The following MMS19 variants were observed in gnomAD, a reference collection of about 807,000 sequenced individuals.
MMS19 encodes the protein MMS19 cytosolic iron-sulfur assembly component.
Under a neutral mutation model 129.8 loss-of-function variants are expected in MMS19, and 77 were observed. The observed-to-expected ratio is 0.59, with a 90% CI of 0.49 to 0.72. MMS19 has a LOEUF of 0.72. Among genes scored for constraint, MMS19 ranks in the 30% least tolerant of loss-of-function variants. MMS19 has a pLI of 0.00. For missense variants in MMS19, 1,168 were observed against 1,266.3 expected (o/e 0.92, Z 1.18); for synonymous variants, 491 against 502.8 (o/e 0.98, Z 0.31).
chr10:97,491,995 G>A (rs1303919238), intron 1 of MMS19, among the ~76,000 whole-genome samples: 1 of 151,588 alleles, frequency 6.6e-6, no homozygotes, highest in African/African-American at 2.4e-5. Context: ...AAAACTAGCC[G>A]GGTGTGGTAG....
chr10:97,497,878 T>A (rs1159430962), intron 1 of MMS19, among the ~76,000 whole-genome samples: 1 of 152,026 alleles, frequency 6.6e-6, no homozygotes, highest in East Asian at 1.9e-4. Context: ...AGGATGCACC[T>A]CCACACGTCA....
upstream of MMS19, chr10:97,498,528 G>T: frequency 8.5e-7 from 1 of 1,176,040 alleles, no homozygotes; most frequent in Non-Finnish European, 1.2e-6. Flanking sequence ...TGCCTAGGCA[G>T]TTCCAGGGAG....
chr10:97,495,394 T>G (rs550646967), intron 1 of MMS19, among the ~76,000 whole-genome samples: 1 of 152,230 alleles, frequency 6.6e-6, no homozygotes, highest in South Asian at 2.1e-4. Context: ...CAGCTGCTTT[T>G]GTGATCAAAG....
At chr10:97,471,474 C>T (rs537660178) in intron 8 of MMS19, among the ~76,000 whole-genome samples, 11 of 152,104 alleles carry the variant, frequency 7.2e-5, no homozygotes, top group Admixed American at 2.0e-4. Flanking sequence ...TTTGCAAACT[C>T]CACCAAAAAC....
Position 97,470,220 on chromosome 10 carries a change from A to G in MMS19, c.772-17T>C. Reference sequence around the variant, plus strand: ...CAGCAGAAACTGTGGGACAGAAGGAAGATCTTAAGCCTGAGATGGGTGGTG... The same window carrying G: ...CAGCAGAAACTGTGGGACAGAAGGAGGATCTTAAGCCTGAGATGGGTGGTG... On this transcript the variant is annotated splice_polypyrimidine_tract_variant and intron_variant, in intron 9 of 30. Coordinates refer to ENST00000438925, the MANE Select transcript of MMS19 (RefSeq NM_022362.5). The G allele has an allele frequency of 6.3e-7, 1 of 1,586,632 alleles. No homozygotes were observed. The highest frequency in any genetic ancestry group is 8.6e-7 in the Non-Finnish European group (1 of 1,162,798).
At position 97,493,915 on chromosome 10, in the gene MMS19, T is replaced by G. The variant is rs29001261; in HGVS notation, c.112+4358A>C. Among the ~76,000 whole-genome samples, 827 of 152,232 alleles carry G rather than the reference T, an allele frequency of 5.4e-3. 8 individuals are homozygous for G. Among genetic ancestry groups the G allele is most frequent in the African/African-American group, 0.019 (791 of 41,526 alleles). On this transcript the variant is annotated intron_variant, in intron 1 of 30. Coordinates refer to ENST00000438925, the MANE Select transcript of MMS19 (RefSeq NM_022362.5). The stretch of plus-strand genomic sequence containing the variant: ...TTGTGATCCCAGCTACTCGGGAGGC[T>G]GAGGCAGGAGAATCACTTGAACCTG...
intron 4 of MMS19, 114 bp from the exon 5 acceptor site, chr10:97,478,043 G>A (rs1214991443): frequency 4.2e-6 from 3 of 713,054 alleles, no homozygotes; most frequent in Non-Finnish European, 7.1e-6. Context: ...TCCTGGTTGA[G>A]GAAGAAGCAC....
chr10:97,468,739 G>A (rs2034062152), intron 12 of MMS19, among the ~76,000 whole-genome samples: 1 of 152,126 alleles, frequency 6.6e-6, no homozygotes, highest in African/African-American at 2.4e-5. Flanking sequence ...CTCCCGAGTA[G>A]CTGGGATTAC....
intron 3 of MMS19, 67 bp from the exon 4 acceptor site, chr10:97,478,456 C>T: frequency 8.5e-7 from 1 of 1,169,698 alleles, no homozygotes; most frequent in Non-Finnish European, 1.2e-6. Flanking sequence ...TTTGTTCCTT[C>T]CCTAAGTCTA....
At chr10:97,470,315 T>G in intron 9 of MMS19, 112 bp from the exon 10 acceptor site, 1 of 751,976 alleles carries the variant, frequency 1.3e-6, no homozygotes, top group Non-Finnish European at 2.3e-6. Context: ...ATCAAGGAGC[T>G]GTACTCAAGT....
chr10:97,460,839 C>A (rs1554832483), intron 24 of MMS19, 68 bp downstream of exon 24: 4 of 1,529,814 alleles, frequency 2.6e-6, no homozygotes, highest in Admixed American at 1.9e-5. Context: ...TAGGGTCAAA[C>A]AGGGACATTT....
Position 97,458,829 on chromosome 10 carries a change from G to A in MMS19, c.3036C>T (p.Arg1012=). 1.2e-6 allele frequency: 2 copies of A among 1,613,976 alleles called. No homozygotes were observed. Among genetic ancestry groups the A allele is most frequent in the Non-Finnish European group, 1.7e-6 (2 of 1,179,888 alleles). The change falls in exon 30 of 31, where the codon CGC becomes CGT. Residue 1012 remains arginine (R), a synonymous_variant. Coordinates refer to ENST00000438925, the MANE Select transcript of MMS19 (RefSeq NM_022362.5). ...KPLDDKKRLV[R]KEAVSARGEW... is the part of the protein sequence containing the mutation. ...CCCCTCTGGCTGACACTGCTTCCTT[G>A]CGCACCAGTCTCTTCTTGTCATCCA... is the stretch of plus-strand genomic sequence containing the variant.
At position 97,463,709 on chromosome 10, in the gene MMS19, G is replaced by A. The variant is rs1394457960; in HGVS notation, c.1912+149C>T. ...TGGTCAGGGTGGCACCCTTTGCTAT[G>A]AAGTGAAATCTCACTCTGAGGACAA... On this transcript the variant is annotated intron_variant, in intron 19 of 30. Transcript: ENST00000438925. The A allele has an allele frequency of 3.9e-6, 3 of 776,842 alleles. No homozygotes were observed. In the East Asian group the frequency reaches 8.2e-5, roughly 21 times the overall value. 48.1% of individuals were successfully genotyped at this position (776,842 alleles called of 1,614,324 possible).
chr10:97,477,643 A>G (rs866127866), intron 5 of MMS19, among the ~76,000 whole-genome samples: 8 of 152,354 alleles, frequency 5.3e-5, no homozygotes, highest in Middle Eastern at 3.4e-3. Context: ...TTCTGTAGGT[A>G]TAAGAGGACA....
chr10:97,459,498 G>C lies in MMS19; in HGVS notation c.2768C>G (p.Ser923Cys), dbSNP rs1257562087. Residue 923 changes from serine to cysteine, a missense_variant, in exon 28 of 31, where the codon TCC (serine) becomes TGC (cysteine). Ser to Cys is a moderately radical substitution (Grantham distance 112). Coordinates refer to ENST00000438925, the MANE Select transcript of MMS19 (RefSeq NM_022362.5). ...GAGCTGCACCACACAGTCAGGGCAG[G>C]ACAGGGCCTCCAGCAGCAAGGAAAG... The part of the protein sequence containing the change: ...TLLSLLLEAL[S>C]CPDCVVQLST... 1.9e-6 allele frequency: 3 copies of C among 1,613,250 alleles called. No individual in the cohort carries two copies. Among genetic ancestry groups the C allele is most frequent in the South Asian group, 1.1e-5 (1 of 90,912 alleles).
At chr10:97,497,840 A>G (rs1303550624) in intron 1 of MMS19, among the ~76,000 whole-genome samples, 1 of 152,038 alleles carries the variant, frequency 6.6e-6, no homozygotes, top group African/African-American at 2.4e-5. Flanking sequence ...CACTCCCAGG[A>G]TGCCACGCGA....
In MMS19 at chr10:97,463,958, C is replaced by A. The variant is rs1321791209; in HGVS notation, c.1812G>T (p.Gln604His). 1 of 1,613,192 alleles carries A rather than the reference C, an allele frequency of 6.2e-7. No homozygotes were observed. Among genetic ancestry groups the A allele is most frequent in the Non-Finnish European group, 8.5e-7 (1 of 1,179,528 alleles). The change falls in exon 19 of 31, where the codon CAG becomes CAT. Residue 604 changes from glutamine (Q) to histidine (H), a missense_variant. Around this residue, in one of 3 missense-constraint regions of MMS19, gnomAD observed 831 missense variants for 910.8 expected, o/e 0.91. Coordinates refer to ENST00000438925, the MANE Select transcript of MMS19 (RefSeq NM_022362.5). Reference sequence around the variant, plus strand: ...GGTCCTGCTGACATTTTTCTGCCATCTGTCTGAGGCTCTGACAGACAGCAA... The same window carrying A: ...GGTCCTGCTGACATTTTTCTGCCATATGTCTGAGGCTCTGACAGACAGCAA... Reference protein sequence around the residue: ...DVIAVCQSLRQMAEKCQQDPE... With the variant: ...DVIAVCQSLRHMAEKCQQDPE...
chr10:97,479,674 CAT>C lies in MMS19; in HGVS notation c.262+1266_262+1267del, dbSNP rs2036403233. 2.0e-5 allele frequency among the ~76,000 whole-genome samples: 3 copies of C among 152,186 alleles called. No individual in the cohort carries two copies. The East Asian group carries it at 5.8e-4, about 29-fold the overall frequency. ...GGGATCCAGTGTATAAATCTAATAT[CAT>C]ATGTCTTGTGCATAATTCTTCCAAA... is the stretch of plus-strand genomic sequence containing the variant. On this transcript the variant is annotated intron_variant, in intron 3 of 30. Transcript: ENST00000438925.
At chr10:97,486,895 A>ATATATATATATATAT (rs57015711) in intron 1 of MMS19, among the ~76,000 whole-genome samples, 347 of 139,938 alleles carry the variant, frequency 2.5e-3, no homozygotes, top group Non-Finnish European at 3.3e-3. Context: ...ATATATATAT[A>ATATATATATATATAT]AAATTAAGAC....
Sources: gnomAD v4.1 joint callset for allele counts (sites outside exome capture counted in the v4.1 genomes callset) on GRCh38, gnomAD v4.1.1 for gene constraint, gnomAD v4.1.1 regional missense constraint, MANE v1.5 for transcripts, NCBI Gene and HGNC (gene_info 2026-07-23, HGNC 2026-07-21) for gene names.